IL4R: variants seen among roughly 807,000 people sequenced by gnomAD.
The protein encoded by IL4R is interleukin-4 receptor subunit alpha.
In IL4R, 17 loss-of-function variants were observed where a neutral mutation model predicts 41.5. The ratio of observed to expected loss-of-function variants is 0.41; its 90% CI spans 0.28 to 0.61. The LOEUF (loss-of-function observed/expected upper bound fraction) is 0.61, where lower values mean the gene tolerates loss of function less well. IL4R is among the 20% of genes least tolerant of loss of function. The probability of loss-of-function intolerance (pLI) is 0.31; values close to 1 mark genes in which losing one functional copy is unlikely to be tolerated. For synonymous variants in IL4R, 402 were observed against 422.9 expected (o/e 0.95, Z 0.61); for missense variants, 974 against 1,043.1 (o/e 0.93, Z 0.91).
intron 4 of IL4R, 116 bp from the exon 5 acceptor site, chr16:27,344,753 C>T (rs2085574152): frequency 3.6e-6 from 4 of 1,099,020 alleles, no homozygotes; most frequent in Non-Finnish European, 5.3e-6. Flanking sequence ...GTCCTCACAT[C>T]CGTGATCGGG....
chr16:27,329,166 A>G (rs575398873), intron 1 of IL4R, among the ~76,000 whole-genome samples: 8 of 152,116 alleles, frequency 5.3e-5, no homozygotes, highest in African/African-American at 1.9e-4. Context: ...GGCTGTCACC[A>G]TGTACGCCTG....
At chr16:27,320,420 G>A (rs950523481) in intron 1 of IL4R, among the ~76,000 whole-genome samples, 2 of 152,226 alleles carry the variant, frequency 1.3e-5, no homozygotes, top group Non-Finnish European at 2.9e-5. Flanking sequence ...AGTGGAGGCT[G>A]GAGTCCACAT....
At position 27,362,562 on chromosome 16, in the gene IL4R, G is replaced by A. The variant is rs552217920; in HGVS notation, c.1210G>A (p.Ala404Thr). 1 of 1,614,192 alleles carries A rather than the reference G, an allele frequency of 6.2e-7. No homozygotes were observed. The highest frequency in any genetic ancestry group is 1.7e-5 in the Admixed American group (1 of 60,032). ...DFQEGREGIV[A>T]RLTESLFLDL... ...CCAGGAGGGAAGGGAGGGCATTGTGGCCCGGCTAACAGAGAGCCTGTTCCT... is the reference window on the plus strand; with the variant it reads ...CCAGGAGGGAAGGGAGGGCATTGTGACCCGGCTAACAGAGAGCCTGTTCCT... Residue 404 changes from alanine to threonine, a missense_variant, in exon 11 of 11, where the codon GCC becomes ACC. By Grantham distance (58) the Ala-to-Thr change is moderately conservative (BLOSUM62 0). Coordinates refer to ENST00000395762, the MANE Select transcript of IL4R (RefSeq NM_000418.4).
At chr16:27,324,274 A>G (rs1232581368) in intron 1 of IL4R, among the ~76,000 whole-genome samples, 2 of 119,230 alleles carry the variant, frequency 1.7e-5, no homozygotes, top group Non-Finnish European at 3.9e-5. Context: ...CAGGGCCCCG[A>G]GGTGGCTGAG....
Position 27,346,569 on chromosome 16 carries a change from A to G in IL4R, c.464A>G (p.Asn155Ser), listed in dbSNP as rs755796247. The change falls in exon 6 of 11, where the codon AAT becomes AGT. Residue 155 changes from asparagine to serine, a missense_variant. Physicochemically the swap from Asn to Ser is conservative, Grantham distance 46 (BLOSUM62 1). This residue lies in a region of IL4R where 284 missense variants were observed against 313.4 expected (regional missense o/e 0.91). Transcript: ENST00000395762. ...TATCCCCCTGACAATTACCTGTATA[A>G]TCATCTCACCTATGCAGTCAACATT... The part of the protein sequence containing the change: ...NPYPPDNYLY[N>S]HLTYAVNIWS... 4 of 1,614,026 alleles carry G rather than the reference A, an allele frequency of 2.5e-6. No homozygotes were observed. The highest frequency in any genetic ancestry group is 1.7e-5 in the Admixed American group (1 of 59,994).
rs138284072 is a variant in IL4R, at chr16:27,360,595, T to G, written c.850-171T>G. 6.6e-5 allele frequency among the ~76,000 whole-genome samples: 10 copies of G among 152,274 alleles called. No homozygotes were observed. In the East Asian group the frequency reaches 1.9e-3, roughly 29 times the overall value. On this transcript the variant is annotated intron_variant, in intron 9 of 10. Transcript: ENST00000395762. The stretch of plus-strand genomic sequence containing the variant: ...CCATCGACCACAGTCCCTGTAAATA[T>G]TAGGACAATGTAATTAATTCCCAGG...
chr16:27,324,558 A>G (rs1302804033), intron 1 of IL4R, among the ~76,000 whole-genome samples: 1 of 152,200 alleles, frequency 6.6e-6, no homozygotes, highest in African/African-American at 2.4e-5. Context: ...AGCACCAAAC[A>G]CATAAGGCCC....
At chr16:27,322,420 G>A (rs948406488) in intron 1 of IL4R, among the ~76,000 whole-genome samples, 2 of 152,108 alleles carry the variant, frequency 1.3e-5, no homozygotes, top group Non-Finnish European at 2.9e-5. Context: ...CAAGCAGTCT[G>A]CCCACCTCAG....
chr16:27,360,660 C>T, intron 9 of IL4R, 106 bp from the exon 10 acceptor site: 1 of 1,360,862 alleles, frequency 7.3e-7, no homozygotes, highest in Non-Finnish European at 1.1e-6. Context: ...TGTTGGACTT[C>T]TGATCTGTGT....
chr16:27,360,862 A>G, intron 10 of IL4R, 47 bp downstream of exon 10: 6 of 1,614,106 alleles, frequency 3.7e-6, no homozygotes, highest in Non-Finnish European at 4.2e-6. Flanking sequence ...TGGGAAGGTG[A>G]TAGAATTGGA....
chr16:27,357,175 C>G lies in IL4R; in HGVS notation c.770+1268C>G, dbSNP rs148782181. Among the ~76,000 whole-genome samples, 1,060 of 152,286 alleles carry G rather than the reference C, an allele frequency of 7.0e-3. 18 individuals carry two copies. The highest frequency in any genetic ancestry group is 0.024 in the African/African-American group (1,002 of 41,544). Reference sequence around the variant, plus strand: ...TGCCTCCGAGCAACCTTGGACTGATCGCCTTGCTCTGAGCCTCAGTTTCCC... The same window carrying G: ...TGCCTCCGAGCAACCTTGGACTGATGGCCTTGCTCTGAGCCTCAGTTTCCC... On this transcript the variant is annotated intron_variant, in intron 8 of 10. Coordinates refer to ENST00000395762, the MANE Select transcript of IL4R (RefSeq NM_000418.4).
At chr16:27,328,224 GAT>G (rs2085017136) in intron 1 of IL4R, among the ~76,000 whole-genome samples, 1 of 106,462 alleles carries the variant, frequency 9.4e-6, no homozygotes, top group African/African-American at 3.3e-5. Context: ...AAAAAAAAAA[GAT>G]TGTTGAATTT....
Position 27,363,822 on chromosome 16 carries a change from G to T in IL4R, c.2470G>T (p.Val824Phe). 1 of 1,601,534 alleles carries T rather than the reference G, an allele frequency of 6.2e-7. No individual in the cohort carries two copies. Among genetic ancestry groups the T allele is most frequent in the Non-Finnish European group, 8.5e-7 (1 of 1,179,140 alleles). Residue 824 changes from valine to phenylalanine, a missense_variant, in exon 11 of 11, where the codon GTC becomes TTC. Transcript: ENST00000395762. ...CTCCGTGGGACCCACATACATGAGG[G>T]TCTCTTAGGTGCATGTCCTCTTGTT... ...FVSVGPTYMR[V>F]S is the part of the protein sequence containing the mutation.
chr16:27,335,041 C>T (rs1372819915), intron 2 of IL4R, among the ~76,000 whole-genome samples: 1 of 152,098 alleles, frequency 6.6e-6, no homozygotes, highest in Non-Finnish European at 1.5e-5. Context: ...CCTGGCACTT[C>T]GTGAGGAGCA....
chr16:27,362,257 G>T lies in IL4R; in HGVS notation c.905G>T (p.Trp302Leu), dbSNP rs1216780810. The change falls in exon 11 of 11, where the codon TGG becomes TTG. Residue 302 changes from tryptophan (W) to leucine (L), a missense_variant. Around this residue, in one of 3 missense-constraint regions of IL4R, gnomAD observed 682 missense variants for 704.3 expected, o/e 0.97. Coordinates refer to ENST00000395762, the MANE Select transcript of IL4R (RefSeq NM_000418.4). ...RGQEPAKCPHWKNCLTKLLPC... is the reference protein window; with the variant it reads ...RGQEPAKCPHLKNCLTKLLPC... ...ACCAACCTTTGCTTTTGCAGACACT[G>T]GAAGAATTGTCTTACCAAGCTCTTG... 6.2e-7 allele frequency: 1 copy of T among 1,613,776 alleles called. No individual in the cohort carries two copies. Among genetic ancestry groups the T allele is most frequent in the East Asian group, 2.2e-5 (1 of 44,876 alleles).
intron 2 of IL4R, among the ~76,000 whole-genome samples, chr16:27,337,198 T>TG (rs1305891571): frequency 6.6e-6 from 1 of 152,020 alleles, no homozygotes; most frequent in Non-Finnish European, 1.5e-5. Flanking sequence ...GGAGCCCTGC[T>TG]GGGGGGAGGG....
chr16:27,333,650 TG>T (rs2085173644), intron 2 of IL4R, among the ~76,000 whole-genome samples: 2 of 152,232 alleles, frequency 1.3e-5, no homozygotes, highest in African/African-American at 4.8e-5. Flanking sequence ...AGGTAAGTGC[TG>T]GGCAAGCAGG....
rs930089646 is a variant in IL4R at position 27,363,051 on chromosome 16, C to T, written c.1699C>T (p.Pro567Ser). The change falls in exon 11 of 11, where the codon CCC becomes TCC. Residue 567 changes from proline (P) to serine (S), a missense_variant. Transcript: ENST00000395762. ...NVLQHGAAAA[P>S]VSAPTSGYQE... Reference sequence around the variant, plus strand: ...CCTCCAGCATGGGGCAGCTGCAGCCCCCGTCTCGGCCCCCACCAGTGGCTA... The same window carrying T: ...CCTCCAGCATGGGGCAGCTGCAGCCTCCGTCTCGGCCCCCACCAGTGGCTA... 1 of 1,614,018 alleles carries T rather than the reference C, an allele frequency of 6.2e-7. No individual in the cohort carries two copies. Among genetic ancestry groups the T allele is most frequent in the African/African-American group, 1.3e-5 (1 of 74,948 alleles).
Position 27,364,045 on chromosome 16 carries a change from G to A in IL4R, c.*215G>A. 1.7e-6 allele frequency: 1 copy of A among 573,436 alleles called. No individual in the cohort carries two copies. Among genetic ancestry groups the A allele is most frequent in the Non-Finnish European group, 3.0e-6 (1 of 329,722 alleles). 35.5% of individuals were successfully genotyped at this position (573,436 alleles called of 1,614,324 possible). Reference sequence around the variant, plus strand: ...TTGGGCTGGGCTCGCCACATCCCATGAGAGTAGAGGGCACTGGGTCGCCGT... The same window carrying A: ...TTGGGCTGGGCTCGCCACATCCCATAAGAGTAGAGGGCACTGGGTCGCCGT... On this transcript the variant is annotated 3_prime_UTR_variant, in exon 11 of 11. Transcript: ENST00000395762.
Sources: gnomAD v4.1 joint callset for allele counts (sites outside exome capture counted in the v4.1 genomes callset) on GRCh38, gnomAD v4.1.1 for gene constraint, gnomAD v4.1.1 regional missense constraint, MANE v1.5 for transcripts, NCBI Gene and HGNC (gene_info 2026-07-23, HGNC 2026-07-21) for gene names.